B3GALT1: variants seen among roughly 807,000 people sequenced by gnomAD.
The protein encoded by B3GALT1 is UDP-Gal:betaGlcNAc beta 1,3-galactosyltransferase, polypeptide 1.
B3GALT1 carries 10 observed loss-of-function variants against 23.2 expected under a neutral mutation model. The observed-to-expected ratio is 0.43, with a 90% CI of 0.27 to 0.73. B3GALT1 has a LOEUF of 0.73. Among genes scored for constraint, B3GALT1 ranks in the 30% least tolerant of loss-of-function variants. B3GALT1 has a pLI of 0.21. For missense variants in B3GALT1, 299 were observed against 405.4 expected, an observed-to-expected ratio of 0.74 and a Z score of 2.25; for synonymous variants, 156 against 141.5, an observed-to-expected ratio of 1.10 and a Z score of -0.73.
chr2:167,823,545 T>G (rs1203889468), intron 4 of B3GALT1, among the ~76,000 whole-genome samples: 1 of 152,238 alleles, frequency 6.6e-6, no homozygotes, highest in African/African-American at 2.4e-5. Flanking sequence ...AGGTGACTAA[T>G]TTGGTATAGC....
chr2:167,699,387 T>TA (rs1354670710), intron 3 of B3GALT1, among the ~76,000 whole-genome samples: 10 of 111,952 alleles, frequency 8.9e-5, no homozygotes, highest in African/African-American at 1.7e-4. Flanking sequence ...TCTATTTTTT[T>TA]TTTTTTTTTT....
intron 3 of B3GALT1, among the ~76,000 whole-genome samples, chr2:167,795,979 T>C (rs1198532027): frequency 6.6e-6 from 1 of 152,214 alleles, no homozygotes; most frequent in East Asian, 1.9e-4. Flanking sequence ...AATTGTGCTT[T>C]AATGTTTGTT....
chr2:167,571,770 C>CAGTATA (rs1181694566), intron 2 of B3GALT1, among the ~76,000 whole-genome samples: 1 of 151,846 alleles, frequency 6.6e-6, no homozygotes, highest in Non-Finnish European at 1.5e-5. Context: ...GTTTTGTTTG[C>CAGTATA]AGTATACATG....
Position 167,552,592 on chromosome 2 carries a change from CTAT to C in B3GALT1, c.-410+62321_-410+62323del, listed in dbSNP as rs1370756602. On this transcript the variant is annotated intron_variant, in intron 2 of 4. Transcript: ENST00000392690. ...TAGGTATATGTTATTGTTATTGTTA[CTAT>C]TATTAACACTTTTTTCTTACTGGGA... is the stretch of plus-strand genomic sequence containing the variant. 1.6e-4 allele frequency among the ~76,000 whole-genome samples: 24 copies of C among 152,072 alleles called. No individual in the cohort carries two copies. In the East Asian group the frequency reaches 4.3e-3, roughly 27 times the overall value.
At chr2:167,790,560 A>C (rs771622399) in intron 3 of B3GALT1, among the ~76,000 whole-genome samples, 1 of 152,242 alleles carries the variant, frequency 6.6e-6, no homozygotes, top group Non-Finnish European at 1.5e-5. Context: ...TCCCAGAGTC[A>C]AGGCTTGGAA....
chr2:167,483,034 C>G (rs757209142), intron 1 of B3GALT1, among the ~76,000 whole-genome samples: 69 of 152,112 alleles, frequency 4.5e-4, no homozygotes, highest in Non-Finnish European at 6.8e-4. Context: ...TGGCTCACTC[C>G]TGTAATCCCA....
chr2:167,680,568 T>C (rs189225799), intron 3 of B3GALT1, among the ~76,000 whole-genome samples: 125 of 152,306 alleles, frequency 8.2e-4, no homozygotes, highest in African/African-American at 2.8e-3. Flanking sequence ...TTTATCCTGT[T>C]TTTAAGTAGT....
chr2:167,825,958 G>T (rs1380352447), intron 4 of B3GALT1, among the ~76,000 whole-genome samples: 1 of 152,186 alleles, frequency 6.6e-6, no homozygotes, highest in Non-Finnish European at 1.5e-5. Flanking sequence ...TGTTACAAAT[G>T]TTTTCCCTCT....
chr2:167,411,261 C>T (rs1464973639), intron 1 of B3GALT1, among the ~76,000 whole-genome samples: 1 of 149,838 alleles, frequency 6.7e-6, no homozygotes, highest in Non-Finnish European at 1.5e-5. Flanking sequence ...CAAAAATCAA[C>T]AAAGTGAAAA....
intron 2 of B3GALT1, among the ~76,000 whole-genome samples, chr2:167,539,417 G>A (rs1044702143): frequency 6.6e-5 from 10 of 152,126 alleles, no homozygotes; most frequent in Non-Finnish European, 1.0e-4. Flanking sequence ...TAGCAAAGGT[G>A]AGACAACAAT....
intron 3 of B3GALT1, among the ~76,000 whole-genome samples, chr2:167,666,203 A>G (rs1686181959): frequency 6.6e-6 from 1 of 152,176 alleles, no homozygotes; most frequent in Non-Finnish European, 1.5e-5. Flanking sequence ...TCATTTCATT[A>G]TGTACCCAGT....
At chr2:167,783,019 A>G (rs1045186754) in intron 3 of B3GALT1, among the ~76,000 whole-genome samples, 1 of 152,190 alleles carries the variant, frequency 6.6e-6, no homozygotes, top group Admixed American at 6.5e-5. Flanking sequence ...TGTTTAATTT[A>G]TGGTGAATCG....
chr2:167,310,152 T>C (rs529432601), intron 1 of B3GALT1, among the ~76,000 whole-genome samples: 3 of 152,174 alleles, frequency 2.0e-5, no homozygotes, highest in African/African-American at 7.2e-5. Context: ...ATATAAAAGA[T>C]TTTCTGAGTA....
chr2:167,825,479 A>G (rs1409165073), intron 4 of B3GALT1, among the ~76,000 whole-genome samples: 7 of 145,318 alleles, frequency 4.8e-5, no homozygotes, highest in African/African-American at 1.6e-4. Flanking sequence ...TGTGTGTGTT[A>G]TATATAAATT....
chr2:167,340,505 C>G lies in B3GALT1; in HGVS notation c.-511+47171C>G, dbSNP rs148849848. ...GACCAAAAAAATAGTTAAATTTTTG[C>G]AGTCCTTTATTGCTGAGGAGACAAA... On this transcript the variant is annotated intron_variant, in intron 1 of 4. Transcript: ENST00000392690. Among the ~76,000 whole-genome samples the G allele has an allele frequency of 1.5e-3, 225 of 152,158 alleles. 2 individuals are homozygous for G. In the East Asian group the frequency reaches 0.018, roughly 12 times the overall value.
At chr2:167,657,168 T>C (rs1263493372) in intron 3 of B3GALT1, among the ~76,000 whole-genome samples, 11 of 152,158 alleles carry the variant, frequency 7.2e-5, no homozygotes, top group South Asian at 4.1e-4. Flanking sequence ...TCCTTCAAGA[T>C]ACCCAGGGGA....
intron 2 of B3GALT1, among the ~76,000 whole-genome samples, chr2:167,641,063 T>C (rs1343746124): frequency 1.3e-5 from 2 of 152,124 alleles, no homozygotes; most frequent in Admixed American, 6.6e-5. Context: ...CTACACCTAG[T>C]AAACAGTAAT....
intron 1 of B3GALT1, among the ~76,000 whole-genome samples, chr2:167,367,848 G>C (rs1403899): frequency 0.81 from 123,025 of 152,194 alleles, 51,511 homozygotes; most frequent in East Asian, 0.92. Flanking sequence ...CTTTACACTA[G>C]TCTAGTCATT....
intron 3 of B3GALT1, among the ~76,000 whole-genome samples, chr2:167,708,686 T>C (rs1687005368): frequency 6.6e-6 from 1 of 151,958 alleles, no homozygotes; most frequent in South Asian, 2.1e-4. Context: ...GAAAATGGTA[T>C]CATCCTATCA....
Sources: gnomAD v4.1 joint callset for allele counts (sites outside exome capture counted in the v4.1 genomes callset) on GRCh38, gnomAD v4.1.1 for gene constraint, MANE v1.5 for transcripts, NCBI Gene and HGNC (gene_info 2026-07-23, HGNC 2026-07-21) for gene names.